The following RGL1 variants were observed in gnomAD, a reference collection of about 807,000 sequenced individuals.
The protein encoded by RGL1 is ral guanine nucleotide dissociation stimulator-like 1.
A neutral mutation model predicts 95.2 loss-of-function variants in RGL1; 24 were observed. The observed-to-expected ratio is 0.25, with a 90% confidence interval of 0.18 to 0.35. The LOEUF (loss-of-function observed/expected upper bound fraction) is 0.35. Among genes scored for constraint, RGL1 ranks in the 10% least tolerant of loss-of-function variants. The probability of loss-of-function intolerance (pLI) is 1.00; values close to 1 mark genes in which losing one functional copy is unlikely to be tolerated. For missense variants in RGL1, 715 were observed against 936.3 expected, an observed-to-expected ratio of 0.76 and a Z score of 3.08; for synonymous variants, 329 against 344.9, an observed-to-expected ratio of 0.95 and a Z score of 0.51.
intron 2 of RGL1, among the ~76,000 whole-genome samples, chr1:183,836,849 T>C (rs917697776): frequency 6.6e-6 from 1 of 152,172 alleles, no homozygotes; most frequent in Non-Finnish European, 1.5e-5. Flanking sequence ...AATATTTCAT[T>C]TTGGAGGGGA....
intron 3 of RGL1, among the ~76,000 whole-genome samples, chr1:183,859,060 T>G (rs1665341918): frequency 6.6e-6 from 1 of 152,094 alleles, no homozygotes; most frequent in Non-Finnish European, 1.5e-5. Context: ...ATGAACAGAG[T>G]CTGAGTGCTG....
chr1:183,719,585 G>A (rs1294034251), intron 1 of RGL1, among the ~76,000 whole-genome samples: 1 of 152,062 alleles, frequency 6.6e-6, no homozygotes, highest in Non-Finnish European at 1.5e-5. Context: ...TGCAAAGGGT[G>A]TTCTGTAGAA....
intron 2 of RGL1, chr1:183,742,365 C>A (rs1558183010): frequency 6.4e-7 from 1 of 1,556,682 alleles, no homozygotes; most frequent in Non-Finnish European, 8.8e-7. Flanking sequence ...CTTCGTGTAG[C>A]CAGCACCACA....
At chr1:183,840,063 T>A (rs1257589292) in intron 2 of RGL1, among the ~76,000 whole-genome samples, 1 of 152,130 alleles carries the variant, frequency 6.6e-6, no homozygotes, top group Non-Finnish European at 1.5e-5. Flanking sequence ...GATCTAATGG[T>A]AATAGACTAA....
chr1:183,846,540 T>TAA (rs1664449423), intron 2 of RGL1, among the ~76,000 whole-genome samples: 1 of 149,798 alleles, frequency 6.7e-6, no homozygotes, highest in Admixed American at 6.6e-5. Context: ...AGTATAATTT[T>TAA]TAAAAAAAAA....
In RGL1 at chr1:183,832,254, G is replaced by A. The variant is rs147870823; in HGVS notation, c.139-15312G>A. 3.3e-5 allele frequency among the ~76,000 whole-genome samples: 5 copies of A among 152,312 alleles called. No individual in the cohort carries two copies. The East Asian group carries it at 9.6e-4, about 29-fold the overall frequency. ...GATTTTGGGGGGATGAGGGAGTAAGGATGATCTGTACATTTATGACTTGGG... is the reference window on the plus strand; with the variant it reads ...GATTTTGGGGGGATGAGGGAGTAAGAATGATCTGTACATTTATGACTTGGG... On this transcript the variant is annotated intron_variant, in intron 2 of 17. Transcript: ENST00000360851.
intron 1 of RGL1, among the ~76,000 whole-genome samples, chr1:183,704,120 G>C (rs1447689057): frequency 6.6e-6 from 1 of 152,190 alleles, no homozygotes; most frequent in African/African-American, 2.4e-5. Flanking sequence ...CAGGTTGTAG[G>C]TGTACTTGTT....
At chr1:183,646,018 A>C (rs1465177320) in intron 1 of RGL1, among the ~76,000 whole-genome samples, 3 of 152,170 alleles carry the variant, frequency 2.0e-5, no homozygotes, top group African/African-American at 7.2e-5. Context: ...CATGTTTCTA[A>C]TTGGATTCTC....
At chr1:183,861,786 G>C (rs746700882) in intron 3 of RGL1, among the ~76,000 whole-genome samples, 6 of 152,158 alleles carry the variant, frequency 3.9e-5, no homozygotes, top group Non-Finnish European at 7.3e-5. Context: ...TGACAGGTTT[G>C]TTGGTAGCTA....
chr1:183,666,264 G>A (rs942371755), intron 1 of RGL1, among the ~76,000 whole-genome samples: 3 of 151,796 alleles, frequency 2.0e-5, no homozygotes, highest in Admixed American at 6.6e-5. Context: ...CTCGGCCTCC[G>A]AAAGTGCTGG....
intron 2 of RGL1, among the ~76,000 whole-genome samples, chr1:183,767,228 CA>C (rs11300092): frequency 0.59 from 60,599 of 102,156 alleles, 13,928 homozygotes; most frequent in East Asian, 0.75. Context: ...GACCCTGTCT[CA>C]AAAAAAAAAA....
chr1:183,923,467 TA>T (rs1230736583), intron 17 of RGL1, among the ~76,000 whole-genome samples: 1 of 152,174 alleles, frequency 6.6e-6, no homozygotes, highest in Non-Finnish European at 1.5e-5. Flanking sequence ...ATTCTAAGCC[TA>T]AAAGATGGTC....
At chr1:183,772,448 G>A (rs1482449772) in intron 2 of RGL1, among the ~76,000 whole-genome samples, 1 of 152,178 alleles carries the variant, frequency 6.6e-6, no homozygotes, top group Non-Finnish European at 1.5e-5. Flanking sequence ...GCAGAAATGA[G>A]AAAGAAATGA....
intron 16 of RGL1, among the ~76,000 whole-genome samples, chr1:183,921,990 G>A (rs1273276601): frequency 7.9e-5 from 12 of 152,184 alleles, no homozygotes; most frequent in Admixed American, 6.5e-4. Flanking sequence ...TTTTAATAGC[G>A]GATGACGCTG....
chr1:183,726,719 T>G (rs1656333835), intron 1 of RGL1, among the ~76,000 whole-genome samples: 1 of 152,142 alleles, frequency 6.6e-6, no homozygotes, highest in African/African-American at 2.4e-5. Flanking sequence ...TATCAGACAT[T>G]CAAGGTAGAA....
At chr1:183,804,637 T>C (rs575874516), upstream of RGL1, among the ~76,000 whole-genome samples, 2 of 152,342 alleles carry the variant, frequency 1.3e-5, no homozygotes, top group East Asian at 3.9e-4. Context: ...CGATTTCCTG[T>C]TGGCAGTGTG....
At chr1:183,818,225 G>T (rs145596025) in intron 2 of RGL1, among the ~76,000 whole-genome samples, 1 of 152,180 alleles carries the variant, frequency 6.6e-6, no homozygotes, top group African/African-American at 2.4e-5. Flanking sequence ...AGTGGCAAAA[G>T]AGTTTTAAAA....
chr1:183,673,289 T>G (rs951104649), intron 1 of RGL1, among the ~76,000 whole-genome samples: 1 of 152,250 alleles, frequency 6.6e-6, no homozygotes, highest in Non-Finnish European at 1.5e-5. Context: ...GTCTCAACTT[T>G]GGGTTCCTGA....
At chr1:183,792,561 A>G (rs1032313834) in intron 2 of RGL1, among the ~76,000 whole-genome samples, 1 of 152,182 alleles carries the variant, frequency 6.6e-6, no homozygotes, top group Non-Finnish European at 1.5e-5. Context: ...ATGATCTTAT[A>G]TATACATAAA....
Sources: gnomAD v4.1 joint callset for allele counts (sites outside exome capture counted in the v4.1 genomes callset) on GRCh38, gnomAD v4.1.1 for gene constraint, MANE v1.5 for transcripts, NCBI Gene and HGNC (gene_info 2026-07-23, HGNC 2026-07-21) for gene names.